CD34: variants seen among roughly 807,000 people sequenced by gnomAD.
The protein encoded by CD34 is CD34 molecule, also known as hematopoietic progenitor cell antigen CD34.
Under a neutral mutation model 40.1 loss-of-function variants are expected in CD34, and 34 were observed. The ratio of observed to expected loss-of-function variants is 0.85; its 90% CI spans 0.65 to 1.13. The LOEUF (loss-of-function observed/expected upper bound fraction) is 1.13, where lower values mean the gene tolerates loss of function less well. CD34 is among the 50% of genes most tolerant of loss of function. The pLI, the probability that CD34 is intolerant of heterozygous loss-of-function variation, is 0.00. For missense variants in CD34, 426 were observed against 466.9 expected, an observed-to-expected ratio of 0.91 and a Z score of 0.81; for synonymous variants, 209 against 190.0, an observed-to-expected ratio of 1.10 and a Z score of -0.82.
In CD34 at chr1:207,886,328, AATGGATGTTTCCTCTCCCC is replaced by A. The variant is rs1389326532; in HGVS notation, c.*1391_*1409del. On this transcript the variant is annotated 3_prime_UTR_variant, in exon 8 of 8. Coordinates refer to ENST00000310833, the MANE Select transcript of CD34 (RefSeq NM_001025109.2). ...TCGGGTCTGCCTTTCTACCACTGGA[AATGGATGTTTCCTCTCCCC>A]ATGGAGGAGAATAGTTGGCAGACTT... 6.6e-6 allele frequency: 1 copy of A among 152,140 alleles called. No individual in the cohort carries two copies. Among genetic ancestry groups the A allele is most frequent in the Non-Finnish European group, 1.5e-5 (1 of 68,050 alleles). The allele number at this position is 152,140 out of a possible 1,614,324, so 9.4% of individuals were successfully genotyped here. A position where few individuals can be genotyped will look rare whatever the true frequency, so the allele number is the denominator to read the frequency against.
rs767770192 is a variant in CD34, at chr1:207,889,548, G to T, written c.671C>A (p.Ala224Asp). 15 of 1,614,124 alleles carry T rather than the reference G, an allele frequency of 9.3e-6. No individual in the cohort carries two copies. In the Admixed American group the frequency reaches 2.0e-4, roughly 22 times the overall value. Residue 224 changes from alanine (A) to aspartate (D), a missense_variant, in exon 5 of 8, where the codon GCT (alanine) becomes GAT (aspartate). Physicochemically the swap from Ala to Asp is moderately radical, Grantham distance 126. Transcript: ENST00000310833. ...GAGCAGGGAGCATACCTGGGCCCCA[G>T]CATCAGCATCAGCCTGCTCCTCCCC... Reference protein sequence around the residue: ...LCGEEQADADAGAQVCSLLLA... With the variant: ...LCGEEQADADDGAQVCSLLLA...
chr1:207,905,765 G>A (rs1336742031), intron 1 of CD34, among the ~76,000 whole-genome samples: 1 of 152,134 alleles, frequency 6.6e-6, no homozygotes, highest in Non-Finnish European at 1.5e-5. Context: ...TCAAAACACA[G>A]TCAACACTTT....
Position 207,899,849 on chromosome 1 carries a change from A to C in CD34, c.234T>G (p.His78Gln). 6.2e-7 allele frequency: 1 copy of C among 1,612,642 alleles called. No individual in the cohort carries two copies. Among genetic ancestry groups the C allele is most frequent in the South Asian group, 1.1e-5 (1 of 90,702 alleles). ...GSTSLHPVSQ[H>Q]GNEATTNITE... Reference sequence around the variant, plus strand: ...TGATGTTTGTTGTGGCCTCATTGCCATGTTGAGACACAGGGTGCAGGCTGG... The same window carrying C: ...TGATGTTTGTTGTGGCCTCATTGCCCTGTTGAGACACAGGGTGCAGGCTGG... Residue 78 changes from histidine to glutamine, a missense_variant, in exon 2 of 8, where the codon CAT (histidine) becomes CAG (glutamine). Physicochemically the swap from His to Gln is conservative, Grantham distance 24 (BLOSUM62 0). Transcript: ENST00000310833.
At chr1:207,900,565 A>G (rs1202302069) in intron 1 of CD34, among the ~76,000 whole-genome samples, 1 of 152,154 alleles carries the variant, frequency 6.6e-6, no homozygotes, top group Admixed American at 6.5e-5. Context: ...CACTGTCTCT[A>G]TGCGATCCCC....
rs1420959837 is a variant in CD34 at position 207,883,129 on chromosome 1, C to G, written c.*4609G>C. On this transcript the variant is annotated 3_prime_UTR_variant, in exon 8 of 8. Coordinates refer to ENST00000310833, the MANE Select transcript of CD34 (RefSeq NM_001025109.2). ...ACTCTGTGGTTTAGCTTTAAACACC[C>G]TACACAAACTGTGACACCCGGATCT... is the stretch of plus-strand genomic sequence containing the variant. 6.6e-6 allele frequency: 1 copy of G among 152,166 alleles called. No individual in the cohort carries two copies. The highest frequency in any genetic ancestry group is 1.5e-5 in the Non-Finnish European group (1 of 68,034). 9.4% of individuals were successfully genotyped at this position (152,166 alleles called of 1,614,324 possible).
intron 4 of CD34, among the ~76,000 whole-genome samples, chr1:207,894,493 T>C (rs1662109558): frequency 6.6e-6 from 1 of 152,240 alleles, no homozygotes; most frequent in African/African-American, 2.4e-5. Flanking sequence ...TACTTACTAC[T>C]ACTCAATGGT....
At position 207,887,663 on chromosome 1, in the gene CD34, T is replaced by C. The variant is rs1038403990; in HGVS notation, c.*75A>G. 2 of 1,587,330 alleles carry C rather than the reference T, an allele frequency of 1.3e-6. No homozygotes were observed. Among genetic ancestry groups the C allele is most frequent in the Admixed American group, 1.7e-5 (1 of 58,840 alleles). On this transcript the variant is annotated 3_prime_UTR_variant, in exon 8 of 8. Coordinates refer to ENST00000310833, the MANE Select transcript of CD34 (RefSeq NM_001025109.2). ...GGCGTAAGAGATGTCACCTCCAGCATGGGGGTAGCACGTGGTCAGATGCAG... is the reference window on the plus strand; with the variant it reads ...GGCGTAAGAGATGTCACCTCCAGCACGGGGGTAGCACGTGGTCAGATGCAG...
chr1:207,888,219 C>T, intron 7 of CD34: 1 of 1,257,346 alleles, frequency 8.0e-7, no homozygotes, highest in South Asian at 1.2e-5. Flanking sequence ...GGTGGGATGA[C>T]CTCCCCAGGG....
intron 1 of CD34, among the ~76,000 whole-genome samples, chr1:207,906,055 T>C (rs905449827): frequency 3.3e-5 from 5 of 152,040 alleles, no homozygotes; most frequent in African/African-American, 7.3e-5. Context: ...CTGTGGAGAG[T>C]ACAAAATGAG....
At chr1:207,906,861 A>AAAT (rs1218407443) in intron 1 of CD34, among the ~76,000 whole-genome samples, 1 of 151,690 alleles carries the variant, frequency 6.6e-6, no homozygotes, top group African/African-American at 2.4e-5. Flanking sequence ...ATAAATAAAT[A>AAAT]AATAAATAAA....
chr1:207,910,348 C>T (rs565946275), intron 1 of CD34, among the ~76,000 whole-genome samples: 194 of 152,300 alleles, frequency 1.3e-3, no homozygotes, highest in Non-Finnish European at 2.2e-3. Flanking sequence ...TCTACCTCCT[C>T]CGCGGTGGGG....
chr1:207,905,541 T>C (rs1425739601), intron 1 of CD34, among the ~76,000 whole-genome samples: 1 of 152,234 alleles, frequency 6.6e-6, no homozygotes, highest in African/African-American at 2.4e-5. Context: ...TGGCCCTTTA[T>C]AGAAAAAGTT....
chr1:207,897,404 T>G, intron 4 of CD34, 89 bp downstream of exon 4: 1 of 962,026 alleles, frequency 1.0e-6, no homozygotes, highest in Non-Finnish European at 1.6e-6. Flanking sequence ...TCAAATCCAG[T>G]GCAATCCAAG....
rs756721107 is a variant in CD34 at position 207,888,785 on chromosome 1, G to T, written c.869C>A (p.Thr290Asn). The T allele has an allele frequency of 3.1e-6, 5 of 1,614,050 alleles. No individual in the cohort carries two copies. The East Asian group carries it at 6.7e-5, about 22-fold the overall frequency. The change falls in exon 7 of 8, where the codon ACC (threonine) becomes AAC (asparagine). Residue 290 changes from threonine to asparagine, a missense_variant. By Grantham distance (65) the Thr-to-Asn change is moderately conservative (BLOSUM62 0). Transcript: ENST00000310833. The part of the protein sequence containing the change: ...VASHQSYSQK[T>N]LIALVTSGAL... ...TCCCGAGGTGACCAGTGCAATCAGG[G>T]TCTTTTGGGAATAGCTCTGGTGGCT...
At position 207,884,491 on chromosome 1, in the gene CD34, T is replaced by C. The variant is rs1036412801; in HGVS notation, c.*3247A>G. On this transcript the variant is annotated 3_prime_UTR_variant, in exon 8 of 8. Coordinates refer to ENST00000310833, the MANE Select transcript of CD34 (RefSeq NM_001025109.2). ...GCACATCATAAGACTTGATGAATGA[T>C]TGAATGGTGGCTGGAAGCCTCTTCG... The C allele has an allele frequency of 2.0e-5, 3 of 152,228 alleles. No individual in the cohort carries two copies. The highest frequency in any genetic ancestry group is 7.2e-5 in the African/African-American group (3 of 41,458). The allele number at this position is 152,228 out of a possible 1,614,324, so 9.4% of individuals were successfully genotyped here.
At chr1:207,891,125 C>G (rs1199237471) in intron 4 of CD34, among the ~76,000 whole-genome samples, 2 of 152,082 alleles carry the variant, frequency 1.3e-5, no homozygotes, top group Non-Finnish European at 2.9e-5. Flanking sequence ...AGGTCTGCTT[C>G]CCAAGAGAGG....
At chr1:207,898,377 C>G (rs192900290) in intron 3 of CD34, among the ~76,000 whole-genome samples, 1 of 152,122 alleles carries the variant, frequency 6.6e-6, no homozygotes, top group African/African-American at 2.4e-5. Context: ...GCAGAAAGAT[C>G]CCTCGGGCAT....
At chr1:207,889,872 TA>T (rs60281937) in intron 4 of CD34, 3 of 1,554,326 alleles carry the variant, frequency 1.9e-6, no homozygotes, top group South Asian at 1.2e-5. Flanking sequence ...AGAACAAACT[TA>T]AAAAAATTGT....
At chr1:207,890,042 G>C in intron 4 of CD34, 1 of 1,370,098 alleles carries the variant, frequency 7.3e-7, no homozygotes, top group South Asian at 1.6e-5. Flanking sequence ...GGGAGGTGAG[G>C]AGGAGAGAAC....
Sources: allele counts gnomAD v4.1 joint callset (sites outside exome capture counted in the v4.1 genomes callset), GRCh38; gene constraint gnomAD v4.1.1; transcripts MANE v1.5; gene names NCBI Gene and HGNC (gene_info 2026-07-23, HGNC 2026-07-21).